Variants in LRRK2 observed in about 807,000 individuals in gnomAD.
LRRK2 encodes the protein leucine rich repeat kinase 2.
In LRRK2, 203 loss-of-function variants were observed where a neutral mutation model predicts 302.6. That is an observed-to-expected ratio of 0.67 (90% CI 0.60 to 0.75). The LOEUF is 0.75. Among genes scored for constraint, LRRK2 ranks in the 30% least tolerant of loss-of-function variants. The probability of loss-of-function intolerance (pLI) is 0.00; values close to 1 mark genes in which losing one functional copy is unlikely to be tolerated. For missense variants in LRRK2, 2,830 were observed against 2,951.0 expected (o/e 0.96, Z 0.95); for synonymous variants, 1,066 against 1,031.9 (o/e 1.03, Z -0.63).
chr12:40,334,920 T>C (rs200104764), intron 39 of LRRK2, 47 bp from the exon 40 acceptor site: 8 of 1,604,872 alleles, frequency 5.0e-6, no homozygotes, highest in South Asian at 1.1e-5. Context: ...GATACGTGGG[T>C]AAAACCTGAT....
intron 16 of LRRK2, among the ~76,000 whole-genome samples, 174 bp from the exon 17 acceptor site, chr12:40,277,714 A>G (rs1943518640): frequency 6.6e-6 from 1 of 152,150 alleles, no homozygotes; most frequent in Admixed American, 6.6e-5. Context: ...TAGTCATGAG[A>G]GAGAGAGGGA....
intron 47 of LRRK2, among the ~76,000 whole-genome samples, chr12:40,361,961 T>G (rs1946721208): frequency 6.6e-6 from 1 of 152,018 alleles, no homozygotes; most frequent in Non-Finnish European, 1.5e-5. Flanking sequence ...CTGCAACATG[T>G]TTTTAGTCCT....
At chr12:40,331,258 C>T (rs1945703908) in intron 39 of LRRK2, among the ~76,000 whole-genome samples, 1 of 152,146 alleles carries the variant, frequency 6.6e-6, no homozygotes, top group Admixed American at 6.5e-5. Context: ...TTTGCTTGTT[C>T]AAGTTACCAC....
chr12:40,235,998 G>A (rs1941450010), intron 4 of LRRK2, among the ~76,000 whole-genome samples: 1 of 151,608 alleles, frequency 6.6e-6, no homozygotes, highest in African/African-American at 2.4e-5. Context: ...CAATACATTG[G>A]TTTTAAACAT....
intron 47 of LRRK2, among the ~76,000 whole-genome samples, chr12:40,362,112 A>T (rs1048435591): frequency 3.3e-5 from 5 of 152,076 alleles, no homozygotes; most frequent in Admixed American, 2.0e-4. Context: ...TAACACACAA[A>T]AGTATTTTAT....
intron 19 of LRRK2, 34 bp from the exon 20 acceptor site, chr12:40,287,317 A>T: frequency 6.3e-7 from 1 of 1,586,738 alleles, no homozygotes; most frequent in South Asian, 1.1e-5. Flanking sequence ...ATAATTGTTG[A>T]TTTCTAAGTT....
At chr12:40,348,542 G>T (rs746332719) in intron 43 of LRRK2, 33 bp downstream of exon 43, 1 of 1,408,780 alleles carries the variant, frequency 7.1e-7, no homozygotes, top group Non-Finnish European at 1.0e-6. Context: ...ATTTTGTACA[G>T]AACATCATTT....
chr12:40,248,071 A>G (rs915888621), intron 7 of LRRK2, among the ~76,000 whole-genome samples: 1 of 152,052 alleles, frequency 6.6e-6, no homozygotes, highest in Non-Finnish European at 1.5e-5. Flanking sequence ...TTTCATGAGA[A>G]GGTTGTAGTT....
intron 7 of LRRK2, among the ~76,000 whole-genome samples, chr12:40,246,114 T>A (rs541528590): frequency 6.6e-6 from 1 of 152,130 alleles, no homozygotes; most frequent in Non-Finnish European, 1.5e-5. Context: ...AAAAAAAATT[T>A]TGTTAAGAAA....
At chr12:40,283,760 T>A in intron 18 of LRRK2, 115 bp from the exon 19 acceptor site, 3 of 859,808 alleles carry the variant, frequency 3.5e-6, no homozygotes, top group Non-Finnish European at 5.3e-6. Context: ...TATTTTATTT[T>A]GTTTCATTCC....
intron 41 of LRRK2, among the ~76,000 whole-genome samples, chr12:40,342,029 G>T (rs143076755): frequency 6.6e-6 from 1 of 152,236 alleles, no homozygotes; most frequent in African/African-American, 2.4e-5. Context: ...TTTGTCATGG[G>T]ACATGAAGGT....
intron 38 of LRRK2, among the ~76,000 whole-genome samples, chr12:40,324,676 A>T (rs904137534): frequency 1.3e-5 from 2 of 152,214 alleles, no homozygotes; most frequent in Non-Finnish European, 2.9e-5. Flanking sequence ...ATTTAAAGCT[A>T]AATAAACTCC....
chr12:40,249,985 T>A (rs749132001), intron 8 of LRRK2, 40 bp downstream of exon 8: 10 of 1,609,820 alleles, frequency 6.2e-6, no homozygotes. Flanking sequence ...TACAGAGGCA[T>A]TTGACATCAA....
rs774887321 is a variant in LRRK2 at position 40,320,005 on chromosome 12, G to A, written c.4845G>A (p.Val1615=). 22 of 1,609,562 alleles carry A rather than the reference G, an allele frequency of 1.4e-5. No homozygotes were observed. In the South Asian group the frequency reaches 1.9e-4, roughly 14 times the overall value. ...TCTTTCAGATTTTGACAGTGAAAGT[G>A]GAAGGTTGTCCAAAACACCCTAAGG... ...KIMAQILTVK[V]EGCPKHPKGI... The change falls in exon 34 of 51, where the codon GTG becomes GTA. Residue 1615 remains valine, a synonymous_variant. Coordinates refer to ENST00000298910, the MANE Select transcript of LRRK2 (RefSeq NM_198578.4).
intron 40 of LRRK2, among the ~76,000 whole-genome samples, chr12:40,337,938 A>G (rs1473091491): frequency 6.6e-6 from 1 of 152,104 alleles, no homozygotes; most frequent in Non-Finnish European, 1.5e-5. Flanking sequence ...TAGAGAGCTC[A>G]TTTTCCTTAA....
At chr12:40,328,992 A>G (rs1799611826) in intron 39 of LRRK2, among the ~76,000 whole-genome samples, 1 of 152,122 alleles carries the variant, frequency 6.6e-6, no homozygotes, top group African/African-American at 2.4e-5. Context: ...TTTTATTTTT[A>G]TTGAACATGA....
At chr12:40,362,333 A>G (rs1430916880) in intron 47 of LRRK2, among the ~76,000 whole-genome samples, 2 of 152,134 alleles carry the variant, frequency 1.3e-5, no homozygotes, top group East Asian at 3.9e-4. Context: ...TCTTTATGGT[A>G]TTTTCATGTT....
At chr12:40,287,665 G>A (rs1592227156) in intron 20 of LRRK2, 126 bp downstream of exon 20, 16 of 918,790 alleles carry the variant, frequency 1.7e-5, no homozygotes, top group Middle Eastern at 2.9e-4. Flanking sequence ...GTTTATTATC[G>A]CAAACAGTTA....
chr12:40,298,737 A>T (rs1004776835), intron 24 of LRRK2, among the ~76,000 whole-genome samples: 4 of 133,376 alleles, frequency 3.0e-5, no homozygotes, highest in African/African-American at 1.1e-4. Flanking sequence ...GTGCCATTGC[A>T]CTCCAGCCTG....
Sources: allele counts gnomAD v4.1 joint callset (sites outside exome capture counted in the v4.1 genomes callset), GRCh38; gene constraint gnomAD v4.1.1; transcripts MANE v1.5; gene names NCBI Gene and HGNC (gene_info 2026-07-23, HGNC 2026-07-21).